The following TBCA variants were observed in gnomAD, a reference collection of about 807,000 sequenced individuals.
The protein encoded by TBCA is tubulin-specific chaperone A.
A neutral mutation model predicts 15.8 loss-of-function variants in TBCA; 6 were observed. The observed-to-expected ratio is 0.38, with a 90% confidence interval of 0.21 to 0.75. TBCA has a LOEUF of 0.75. TBCA is among the 30% of genes least tolerant of loss of function. The probability of loss-of-function intolerance (pLI) is 0.46; values close to 1 mark genes in which losing one functional copy is unlikely to be tolerated. For synonymous variants in TBCA, 32 were observed against 42.3 expected, an observed-to-expected ratio of 0.76 and a Z score of 0.94; for missense variants, 90 against 131.2, an observed-to-expected ratio of 0.69 and a Z score of 1.53.
chr5:77,760,692 G>C (rs985786745), intron 1 of TBCA, among the ~76,000 whole-genome samples: 1 of 152,220 alleles, frequency 6.6e-6, no homozygotes, highest in Non-Finnish European at 1.5e-5. Flanking sequence ...CGAGGTGCTG[G>C]GATTGCAGAC....
intron 1 of TBCA, among the ~76,000 whole-genome samples, chr5:77,761,548 G>T (rs1040565944): frequency 2.6e-5 from 4 of 151,774 alleles, no homozygotes; most frequent in Admixed American, 2.0e-4. Flanking sequence ...CTTTGTTCAC[G>T]TGTTTATCTG....
Position 77,748,682 on chromosome 5 carries a change from A to C in TBCA, c.53+27523T>G, listed in dbSNP as rs189540507. The stretch of plus-strand genomic sequence containing the variant: ...TTGACCCTTAAACAATGGAGACAGA[A>C]TAGAAGTGCTGACCCTCCTAATGTT... On this transcript the variant is annotated intron_variant, in intron 1 of 3. Transcript: ENST00000380377. Among the ~76,000 whole-genome samples, 24 of 152,312 alleles carry C rather than the reference A, an allele frequency of 1.6e-4. No individual in the cohort carries two copies. In the East Asian group the frequency reaches 4.2e-3, roughly 27 times the overall value.
At chr5:77,729,015 T>C (rs1234260924) in intron 1 of TBCA, among the ~76,000 whole-genome samples, 1 of 152,144 alleles carries the variant, frequency 6.6e-6, no homozygotes, top group African/African-American at 2.4e-5. Flanking sequence ...GCAATGAGAA[T>C]TGTATTTTTA....
chr5:77,712,583 C>A (rs188921992), intron 1 of TBCA, among the ~76,000 whole-genome samples: 1 of 151,834 alleles, frequency 6.6e-6, no homozygotes, highest in Non-Finnish European at 1.5e-5. Flanking sequence ...TATAAAAAAA[C>A]AAAATTTTAA....
At chr5:77,727,771 T>C (rs1457884508) in intron 1 of TBCA, among the ~76,000 whole-genome samples, 1 of 152,198 alleles carries the variant, frequency 6.6e-6, no homozygotes, top group African/African-American at 2.4e-5. Flanking sequence ...AATGTGAGAA[T>C]GTAATTTCAT....
intron 1 of TBCA, among the ~76,000 whole-genome samples, chr5:77,755,584 T>A (rs944713799): frequency 1.3e-5 from 2 of 151,380 alleles, no homozygotes; most frequent in East Asian, 3.9e-4. Context: ...AAAAAATAAA[T>A]AAAAATTTAA....
intron 1 of TBCA, among the ~76,000 whole-genome samples, chr5:77,738,703 C>T (rs1297901653): frequency 6.6e-6 from 1 of 152,222 alleles, no homozygotes; most frequent in African/African-American, 2.4e-5. Flanking sequence ...ATGCCTTAGC[C>T]TTCCGAGTAG....
At chr5:77,714,561 C>CTAT (rs141992862) in intron 1 of TBCA, among the ~76,000 whole-genome samples, 4,307 of 126,508 alleles carry the variant, frequency 0.034, 184 homozygotes, top group African/African-American at 0.12. Flanking sequence ...ACAATTATTA[C>CTAT]TATTATTATT....
intron 1 of TBCA, among the ~76,000 whole-genome samples, chr5:77,759,560 G>A (rs902534277): frequency 2.0e-5 from 3 of 152,140 alleles, no homozygotes; most frequent in Admixed American, 6.5e-5. Context: ...ACGCATCAAA[G>A]CAAGAGATAA....
chr5:77,750,608 G>T (rs1444374702), intron 1 of TBCA, among the ~76,000 whole-genome samples: 1 of 152,140 alleles, frequency 6.6e-6, no homozygotes, highest in Non-Finnish European at 1.5e-5. Context: ...ACAGACATAA[G>T]CAGAAGCTAT....
At chr5:77,707,186 A>G (rs976148423) in intron 2 of TBCA, among the ~76,000 whole-genome samples, 2 of 152,126 alleles carry the variant, frequency 1.3e-5, no homozygotes, top group Non-Finnish European at 2.9e-5. Context: ...CACATAGTCC[A>G]CTCTTACAGG....
intron 1 of TBCA, among the ~76,000 whole-genome samples, chr5:77,741,446 G>A (rs1020050196): frequency 6.6e-6 from 1 of 152,180 alleles, no homozygotes; most frequent in African/African-American, 2.4e-5. Flanking sequence ...AGGATAGTAG[G>A]GGTGCGATGC....
At chr5:77,738,712 A>C (rs1746966698) in intron 1 of TBCA, among the ~76,000 whole-genome samples, 1 of 152,182 alleles carries the variant, frequency 6.6e-6, no homozygotes, top group South Asian at 2.1e-4. Flanking sequence ...CCTTCCGAGT[A>C]GCTGGGATTA....
intron 1 of TBCA, among the ~76,000 whole-genome samples, chr5:77,732,262 G>C (rs1267643154): frequency 1.3e-5 from 2 of 152,060 alleles, no homozygotes; most frequent in African/African-American, 4.8e-5. Context: ...AAACAAATGG[G>C]TATCTGGGTC....
At chr5:77,731,864 A>T (rs381860) in intron 1 of TBCA, among the ~76,000 whole-genome samples, 152,266 of 152,328 alleles carry the variant, frequency 1, 76,103 homozygotes, top group Middle Eastern at 1. Context: ...GTTAATAGTT[A>T]AAGAGGAGAA....
At chr5:77,756,330 G>A (rs1212695743) in intron 1 of TBCA, among the ~76,000 whole-genome samples, 1 of 151,066 alleles carries the variant, frequency 6.6e-6, no homozygotes, top group Non-Finnish European at 1.5e-5. Flanking sequence ...AATTGTGTTG[G>A]GAGTTCCCTG....
chr5:77,693,885 T>C (rs1002874865), intron 2 of TBCA, among the ~76,000 whole-genome samples: 3 of 151,264 alleles, frequency 2.0e-5, no homozygotes, highest in African/African-American at 7.3e-5. Context: ...GAACTAAATC[T>C]TTTTGGTAAT....
At chr5:77,734,601 T>C (rs974947016) in intron 1 of TBCA, among the ~76,000 whole-genome samples, 2 of 152,222 alleles carry the variant, frequency 1.3e-5, no homozygotes, top group African/African-American at 2.4e-5. Flanking sequence ...TTACTCCTTA[T>C]GGATAAGCAA....
At chr5:77,769,163 A>C (rs1034018999) in intron 1 of TBCA, among the ~76,000 whole-genome samples, 5 of 152,192 alleles carry the variant, frequency 3.3e-5, no homozygotes, top group Non-Finnish European at 5.9e-5. Flanking sequence ...TGAAGAGCTG[A>C]CCACCTGCAA....
Sources: gnomAD v4.1 joint callset for allele counts (sites outside exome capture counted in the v4.1 genomes callset) on GRCh38, gnomAD v4.1.1 for gene constraint, MANE v1.5 for transcripts, NCBI Gene and HGNC (gene_info 2026-07-23, HGNC 2026-07-21) for gene names.